The following SH3PXD2B variants were observed in gnomAD, a reference collection of about 807,000 sequenced individuals.
SH3PXD2B encodes the protein SH3 and PX domains 2B.
In SH3PXD2B, 37 loss-of-function variants were observed where a neutral mutation model predicts 73.1. That is an observed-to-expected ratio of 0.51 (90% CI 0.39 to 0.67). The LOEUF (loss-of-function observed/expected upper bound fraction) is 0.67, where lower values mean the gene tolerates loss of function less well. Ranked by LOEUF, SH3PXD2B falls within the 30% of genes least tolerant of loss-of-function variation. SH3PXD2B has a pLI of 0.00. For synonymous variants in SH3PXD2B, 457 were observed against 480.5 expected (o/e 0.95, Z 0.64); for missense variants, 1,053 against 1,197.8 (o/e 0.88, Z 1.78).
intron 6 of SH3PXD2B, among the ~76,000 whole-genome samples, chr5:172,368,883 TAA>T (rs1223210493): frequency 0.015 from 1,922 of 131,402 alleles, 17 homozygotes; most frequent in South Asian, 0.031. Context: ...ATATATAATA[TAA>T]AAAAAAATAT....
At chr5:172,341,012 C>T (rs1756838255) in intron 12 of SH3PXD2B, among the ~76,000 whole-genome samples, 1 of 152,192 alleles carries the variant, frequency 6.6e-6, no homozygotes, top group South Asian at 2.1e-4. Flanking sequence ...GTCCCTACTT[C>T]CCTGTGGGAT....
chr5:172,440,578 T>C (rs1421713822), intron 1 of SH3PXD2B, among the ~76,000 whole-genome samples: 1 of 152,164 alleles, frequency 6.6e-6, no homozygotes, highest in Non-Finnish European at 1.5e-5. Flanking sequence ...AGCAGAAAAC[T>C]GCAGAAGTCA....
intron 1 of SH3PXD2B, among the ~76,000 whole-genome samples, chr5:172,436,124 G>C (rs1168267603): frequency 6.6e-6 from 1 of 152,186 alleles, no homozygotes. Flanking sequence ...GAATTTCCTT[G>C]CAGGTTCCTT....
Position 172,335,704 on chromosome 5 carries a change from G to A in SH3PXD2B, c.*2665C>T, listed in dbSNP as rs1210850071. 7.3e-6 allele frequency: 9 copies of A among 1,231,544 alleles called. No homozygotes were observed. The South Asian group carries it at 1.6e-4, about 23-fold the overall frequency. 76.3% of individuals were successfully genotyped at this position (1,231,544 alleles called of 1,614,324 possible). ...CGCCATCAATCGCTCACAGAATAGC[G>A]ACCACAGTCCTGGATGGGGTAAATC... is the stretch of plus-strand genomic sequence containing the variant. On this transcript the variant is annotated 3_prime_UTR_variant, in exon 13 of 13. Transcript: ENST00000311601.
rs1288095112 is a variant in SH3PXD2B at position 172,346,119 on chromosome 5, A to T, written c.1188+17T>A. On this transcript the variant is annotated intron_variant, in intron 12 of 12. Transcript: ENST00000311601. Reference sequence around the variant, plus strand: ...TCAGGAATCACAAGTAGGCAAAGGAACACCAGGGCCACTCACCTCGACCTT... The same window carrying T: ...TCAGGAATCACAAGTAGGCAAAGGATCACCAGGGCCACTCACCTCGACCTT... 1 of 1,613,846 alleles carries T rather than the reference A, an allele frequency of 6.2e-7. No individual in the cohort carries two copies.
rs1758956797 is a variant in SH3PXD2B at position 172,421,188 on chromosome 5, G to A, written c.156+1228C>T. Reference sequence around the variant, plus strand: ...GCCGGGCAAGTTCCCAATGTCTCCCGAGGGTTTTCCAAATAACTCTGTTAC... The same window carrying A: ...GCCGGGCAAGTTCCCAATGTCTCCCAAGGGTTTTCCAAATAACTCTGTTAC... On this transcript the variant is annotated intron_variant, in intron 2 of 12. Transcript: ENST00000311601. The surrounding 1 kb of genome is among the most constrained non-coding windows in gnomAD (Gnocchi z 4.0). Among the ~76,000 whole-genome samples the A allele has an allele frequency of 6.6e-6, 1 of 152,144 alleles. No individual in the cohort carries two copies. The highest frequency in any genetic ancestry group is 2.4e-5 in the African/African-American group (1 of 41,418).
At chr5:172,326,672 C>G (rs976273519) in intron 12 of SH3PXD2B, among the ~76,000 whole-genome samples, 3 of 152,144 alleles carry the variant, frequency 2.0e-5, no homozygotes, top group African/African-American at 7.2e-5. Flanking sequence ...CTTAACCCAT[C>G]CAGCCGCATG....
At chr5:172,400,634 T>C (rs1346772406) in intron 3 of SH3PXD2B, among the ~76,000 whole-genome samples, 2 of 152,208 alleles carry the variant, frequency 1.3e-5, no homozygotes, top group Non-Finnish European at 2.9e-5. Context: ...TCTCTCAGTA[T>C]CACCATAGAT....
At chr5:172,386,253 T>C (rs1323423338) in intron 4 of SH3PXD2B, among the ~76,000 whole-genome samples, 1 of 152,256 alleles carries the variant, frequency 6.6e-6, no homozygotes, top group Non-Finnish European at 1.5e-5. Flanking sequence ...AGTGGTTGTA[T>C]GGTTTCCATC....
In SH3PXD2B at chr5:172,335,942, A is replaced by C; in HGVS notation, c.*2427T>G. On this transcript the variant is annotated 3_prime_UTR_variant, in exon 13 of 13. Transcript: ENST00000311601. ...AATCATCATCATCATAGCAAAAGAGAATGGCAGATTCTTTCATTTGCAGGA... is the reference window on the plus strand; with the variant it reads ...AATCATCATCATCATAGCAAAAGAGCATGGCAGATTCTTTCATTTGCAGGA... 1 of 1,140,034 alleles carries C rather than the reference A, an allele frequency of 8.8e-7. No individual in the cohort carries two copies. The highest frequency in any genetic ancestry group is 1.1e-6 in the Non-Finnish European group (1 of 930,408). 70.6% of individuals were successfully genotyped at this position (1,140,034 alleles called of 1,614,324 possible). A position where few individuals can be genotyped will look rare whatever the true frequency, so the allele number is the denominator to read the frequency against.
chr5:172,438,939 T>TA (rs201933616), intron 1 of SH3PXD2B, among the ~76,000 whole-genome samples: 6,252 of 142,746 alleles, frequency 0.044, 136 homozygotes, highest in Non-Finnish European at 0.053. Context: ...TTAATGTCAT[T>TA]AAAAAAAAAA....
At chr5:172,388,043 G>A (rs1758095942) in intron 4 of SH3PXD2B, among the ~76,000 whole-genome samples, 1 of 152,144 alleles carries the variant, frequency 6.6e-6, no homozygotes, top group Non-Finnish European at 1.5e-5. Flanking sequence ...TGATCTGCAA[G>A]GCTGCCTTTG....
chr5:172,398,492 T>G (rs915934261), intron 3 of SH3PXD2B, among the ~76,000 whole-genome samples: 1 of 152,214 alleles, frequency 6.6e-6, no homozygotes, highest in African/African-American at 2.4e-5. Context: ...ATTGATGATA[T>G]TTTAATTGCT....
chr5:172,434,782 G>GTT (rs71577589), intron 1 of SH3PXD2B, among the ~76,000 whole-genome samples: 28 of 66,326 alleles, frequency 4.2e-4, no homozygotes, highest in Admixed American at 1.5e-3. Flanking sequence ...ATGGCCAATG[G>GTT]TTTTTTTTTT....
At chr5:172,390,230 C>T (rs748927005) in intron 4 of SH3PXD2B, among the ~76,000 whole-genome samples, 5 of 152,218 alleles carry the variant, frequency 3.3e-5, no homozygotes, top group African/African-American at 4.8e-5. Context: ...GTCTGGGAAA[C>T]CACTGATCTG....
chr5:172,366,183 TCA>T (rs1221371146), intron 6 of SH3PXD2B, among the ~76,000 whole-genome samples: 1 of 152,152 alleles, frequency 6.6e-6, no homozygotes, highest in African/African-American at 2.4e-5. Flanking sequence ...GCCGCAGGTT[TCA>T]CACAGATTTT....
downstream of SH3PXD2B, chr5:172,333,459 A>G (rs140736481): frequency 1.9e-5 from 21 of 1,109,822 alleles, no homozygotes; most frequent in African/African-American, 3.6e-4. Flanking sequence ...AAAGCTATGT[A>G]CCCTTTCTCC....
chr5:172,358,347 C>T (rs981502505), intron 8 of SH3PXD2B, among the ~76,000 whole-genome samples: 2 of 152,200 alleles, frequency 1.3e-5, no homozygotes, highest in Non-Finnish European at 2.9e-5. Flanking sequence ...GAGGGGGACC[C>T]CTGGTCAGGA....
chr5:172,345,754 C>T (rs886386061), intron 12 of SH3PXD2B, among the ~76,000 whole-genome samples: 2 of 152,024 alleles, frequency 1.3e-5, no homozygotes, highest in African/African-American at 4.8e-5. Context: ...AGGCATACAG[C>T]CAGTCACACA....
Sources: gnomAD v4.1 joint callset for allele counts (sites outside exome capture counted in the v4.1 genomes callset) on GRCh38, gnomAD v4.1.1 for gene constraint, Gnocchi (gnomAD v3.1) non-coding constraint, MANE v1.5 for transcripts, NCBI Gene and HGNC (gene_info 2026-07-23, HGNC 2026-07-21) for gene names.